The following FNDC1 variants were observed in gnomAD, a reference collection of about 807,000 sequenced individuals.
The protein encoded by FNDC1 is fibronectin type III domain-containing protein 1.
FNDC1 carries 96 observed loss-of-function variants against 168.0 expected under a neutral mutation model. That is an observed-to-expected ratio of 0.57 (90% confidence interval 0.48 to 0.68). The LOEUF (loss-of-function observed/expected upper bound fraction) is 0.68. FNDC1 is among the 30% of genes least tolerant of loss of function. The pLI is 0.00. For synonymous variants in FNDC1, 1,099 were observed against 1,025.9 expected (o/e 1.07, Z -1.36); for missense variants, 2,587 against 2,482.1 (o/e 1.04, Z -0.90).
intron 1 of FNDC1, among the ~76,000 whole-genome samples, chr6:159,187,331 C>T (rs1312276308): frequency 6.6e-6 from 1 of 152,174 alleles, no homozygotes; most frequent in Admixed American, 6.5e-5. Context: ...ACCTGCTTGC[C>T]TTGATGTTCC....
chr6:159,170,664 A>G (rs1200945376), intron 1 of FNDC1, among the ~76,000 whole-genome samples: 3 of 152,138 alleles, frequency 2.0e-5, no homozygotes, highest in Non-Finnish European at 4.4e-5. Context: ...TAGTGTATAT[A>G]TTGTTCTCTT....
intron 1 of FNDC1, among the ~76,000 whole-genome samples, chr6:159,190,735 A>C (rs1244803236): frequency 6.6e-6 from 1 of 152,254 alleles, no homozygotes; most frequent in Non-Finnish European, 1.5e-5. Flanking sequence ...TCAAATGTTC[A>C]TCATGAGCAC....
At chr6:159,199,445 A>G in intron 2 of FNDC1, among the ~76,000 whole-genome samples, 1 of 152,258 alleles carries the variant, frequency 6.6e-6, no homozygotes, top group East Asian at 1.9e-4. Flanking sequence ...GGTCAAAAAC[A>G]ACATGCAGAC....
chr6:159,236,690 G>A (rs901305226), intron 12 of FNDC1, among the ~76,000 whole-genome samples: 3 of 152,074 alleles, frequency 2.0e-5, no homozygotes, highest in African/African-American at 7.2e-5. Context: ...TTTGTTTATT[G>A]TTTGATTAAA....
intron 5 of FNDC1, among the ~76,000 whole-genome samples, chr6:159,217,220 G>A (rs771165810): frequency 1.6e-4 from 24 of 152,234 alleles, no homozygotes; most frequent in Non-Finnish European, 3.1e-4. Context: ...AGTTGCCTAG[G>A]AGGAGAGATG....
chr6:159,233,072 C>T lies in FNDC1; in HGVS notation c.2560C>T (p.Pro854Ser), dbSNP rs369799398. 2 of 1,604,914 alleles carry T rather than the reference C, an allele frequency of 1.2e-6. No homozygotes were observed. The highest frequency in any genetic ancestry group is 1.3e-5 in the African/African-American group (1 of 74,834). Reference protein sequence around the residue: ...QPSSSPQSTVPSRAHPRVPSH... With the variant: ...QPSSSPQSTVSSRAHPRVPSH... ...CTCCAGCTCCCCACAGTCGACTGTG[C>T]CCTCCCGAGCCCACCCCAGGGTTCC... Residue 854 changes from proline (P) to serine (S), a missense_variant, in exon 11 of 23, where the codon CCC (proline) becomes TCC (serine). Physicochemically the swap from Pro to Ser is moderately conservative, Grantham distance 74 (BLOSUM62 -1). Coordinates refer to ENST00000297267, the MANE Select transcript of FNDC1 (RefSeq NM_032532.3). The surrounding 1 kb of genome is among the most constrained non-coding windows in gnomAD (Gnocchi z 4.6).
At position 159,267,873 on chromosome 6, in the gene FNDC1, T is replaced by C. The variant is rs201022798; in HGVS notation, c.5516T>C (p.Leu1839Pro). The C allele has an allele frequency of 1.7e-4, 277 of 1,613,332 alleles. 4 individuals are homozygous for C. In the East Asian group the frequency reaches 3.8e-3, roughly 22 times the overall value. Residue 1839 changes from leucine to proline, a missense_variant, in exon 22 of 23, where the codon CTT (leucine) becomes CCT (proline). Coordinates refer to ENST00000297267, the MANE Select transcript of FNDC1 (RefSeq NM_032532.3). ...EDHCQFVDSH[L>P]DGRTGPQSYV... ...CATTGCCAATTTGTGGATTCACACC[T>C]TGATGGAAGAACAGGGCCTCAGTCC...
chr6:159,226,681 A>T, intron 9 of FNDC1, 101 bp downstream of exon 9: 1 of 881,150 alleles, frequency 1.1e-6, no homozygotes. Flanking sequence ...GAAGCAACAT[A>T]TGTCTAAGAG....
In FNDC1 at chr6:159,234,034, G is replaced by A. The variant is rs771999278; in HGVS notation, c.3522G>A (p.Ser1174=). 5.6e-6 allele frequency: 9 copies of A among 1,611,598 alleles called. No individual in the cohort carries two copies. The South Asian group carries it at 8.8e-5, about 16-fold the overall frequency. ...KRPLSSKSQQ[S]VSAEDDEEED... is the part of the protein sequence containing the mutation. Reference sequence around the variant, plus strand: ...CCCTGTCCTCCAAGTCCCAGCAGTCGGTCTCAGCCGAGGACGACGAGGAGG... The same window carrying A: ...CCCTGTCCTCCAAGTCCCAGCAGTCAGTCTCAGCCGAGGACGACGAGGAGG... The change falls in exon 11 of 23, where the codon TCG becomes TCA. Residue 1174 remains serine (S), a synonymous_variant. Coordinates refer to ENST00000297267, the MANE Select transcript of FNDC1 (RefSeq NM_032532.3).
At chr6:159,235,214 G>A (rs1783220937) in intron 11 of FNDC1, among the ~76,000 whole-genome samples, 1 of 152,214 alleles carries the variant, frequency 6.6e-6, no homozygotes, top group South Asian at 2.1e-4. Context: ...TATGTCCAGG[G>A]CAGGGTCCGA....
chr6:159,200,159 T>C, intron 3 of FNDC1, 77 bp downstream of exon 3: 3 of 1,077,560 alleles, frequency 2.8e-6, no homozygotes, highest in Non-Finnish European at 4.1e-6. Context: ...CTTCTTCCAG[T>C]AAATATAAAT....
At chr6:159,256,372 C>A in intron 17 of FNDC1, 151 bp from the exon 18 acceptor site, 1 of 642,320 alleles carries the variant, frequency 1.6e-6, no homozygotes, top group Non-Finnish European at 2.8e-6. Flanking sequence ...TACATCCCAT[C>A]CTGTCCCACA....
intron 4 of FNDC1, among the ~76,000 whole-genome samples, chr6:159,203,473 G>A (rs1204220963): frequency 1.3e-5 from 2 of 152,110 alleles, no homozygotes; most frequent in South Asian, 2.1e-4. Flanking sequence ...CTGGTCAGTC[G>A]TCCAAATATG....
intron 2 of FNDC1, among the ~76,000 whole-genome samples, chr6:159,199,391 C>T (rs1782324469): frequency 6.6e-6 from 1 of 152,098 alleles, no homozygotes; most frequent in African/African-American, 2.4e-5. Flanking sequence ...TTAGCATTTC[C>T]AAGACTCCAG....
intron 9 of FNDC1, among the ~76,000 whole-genome samples, chr6:159,227,210 T>C (rs748534185): frequency 5.3e-5 from 8 of 152,240 alleles, no homozygotes; most frequent in Admixed American, 3.3e-4. Flanking sequence ...ATTTTTAATG[T>C]AAAAGCGTTT....
intron 14 of FNDC1, 124 bp downstream of exon 14, chr6:159,240,081 G>A (rs1485625587): frequency 2.1e-5 from 18 of 876,432 alleles, no homozygotes; most frequent in Admixed American, 1.7e-4. Flanking sequence ...GCAACCCGAT[G>A]CATTTTTGGT....
At chr6:159,200,311 T>C (rs554565644) in intron 3 of FNDC1, among the ~76,000 whole-genome samples, 57 of 152,366 alleles carry the variant, frequency 3.7e-4, no homozygotes, top group South Asian at 1.0e-3. Context: ...ATGTTTTGAA[T>C]ACTTACTGAG....
chr6:159,238,097 CTTTT>C (rs61358656), intron 12 of FNDC1, among the ~76,000 whole-genome samples: 2,444 of 135,054 alleles, frequency 0.018, 69 homozygotes, highest in African/African-American at 0.058. Flanking sequence ...CTGTTTTGTA[CTTTT>C]TTTTTTTTTT....
intron 14 of FNDC1, among the ~76,000 whole-genome samples, 195 bp downstream of exon 14, chr6:159,240,152 A>G (rs1019962404): frequency 1.4e-5 from 2 of 144,900 alleles, no homozygotes; most frequent in African/African-American, 5.1e-5. Context: ...TAGCAAATAA[A>G]AATATTACAT....
Sources: allele counts gnomAD v4.1 joint callset (sites outside exome capture counted in the v4.1 genomes callset), GRCh38; gene constraint gnomAD v4.1.1; non-coding constraint Gnocchi (gnomAD v3.1); transcripts MANE v1.5; gene names NCBI Gene and HGNC (gene_info 2026-07-23, HGNC 2026-07-21).